Variants in UGDH observed in about 807,000 individuals in gnomAD.
UGDH encodes UDP-Glc dehydrogenase.
Under a neutral mutation model 50.6 loss-of-function variants are expected in UGDH, and 38 were observed. The ratio of observed to expected loss-of-function variants is 0.75; its 90% CI spans 0.58 to 0.98. The LOEUF is 0.98. UGDH is among the 50% of genes least tolerant of loss of function. The pLI, the probability that UGDH is intolerant of heterozygous loss-of-function variation, is 0.00. For missense variants in UGDH, 465 were observed against 606.2 expected (o/e 0.77, Z 2.45); for synonymous variants, 168 against 199.9 (o/e 0.84, Z 1.35).
chr4:39,520,933 TGTG>T (rs1746628514), intron 2 of UGDH, among the ~76,000 whole-genome samples: 1 of 150,336 alleles, frequency 6.7e-6, no homozygotes, highest in Non-Finnish European at 1.5e-5. Flanking sequence ...ATTAGCTGGG[TGTG>T]GTGGTGGGCG....
rs796581466 is a variant in UGDH at position 39,514,255 on chromosome 4, ATT to A, written c.163-73_163-72del. 27 of 1,182,978 alleles carry A rather than the reference ATT, an allele frequency of 2.3e-5. No homozygotes were observed. The South Asian group carries it at 3.6e-4, about 16-fold the overall frequency. The allele number at this position is 1,182,978 out of a possible 1,614,324, so 73.3% of individuals were successfully genotyped here. ...ATATGAGATAACCTAATAGTATAGA[ATT>A]ACATTTGTTAAAGGGCATGGTAATA... On this transcript the variant is annotated intron_variant, in intron 2 of 11. Coordinates refer to ENST00000316423, the MANE Select transcript of UGDH (RefSeq NM_003359.4).
chr4:39,524,871 GC>G (rs1038759234), intron 1 of UGDH, among the ~76,000 whole-genome samples: 1 of 152,184 alleles, frequency 6.6e-6, no homozygotes, highest in African/African-American at 2.4e-5. Context: ...CTTCTTATCT[GC>G]CTTGATTGTG....
chr4:39,507,277 A>C (rs1746065276), intron 7 of UGDH, among the ~76,000 whole-genome samples: 1 of 152,256 alleles, frequency 6.6e-6, no homozygotes, highest in Non-Finnish European at 1.5e-5. Context: ...TACTTCCCAG[A>C]GCTCACTTAA....
intron 2 of UGDH, among the ~76,000 whole-genome samples, chr4:39,520,034 A>G (rs1369730319): frequency 6.6e-6 from 1 of 152,102 alleles, no homozygotes; most frequent in African/African-American, 2.4e-5. Context: ...ATGGTTGATA[A>G]TAGTCATAAA....
intron 3 of UGDH, among the ~76,000 whole-genome samples, chr4:39,513,455 G>GA: frequency 6.6e-6 from 1 of 151,262 alleles, no homozygotes; most frequent in South Asian, 2.1e-4. Context: ...CCAACCACTG[G>GA]AAACAAGAAA....
intron 5 of UGDH, 107 bp downstream of exon 5, chr4:39,510,246 G>A (rs1198355027): frequency 8.7e-7 from 1 of 1,143,614 alleles, no homozygotes; most frequent in East Asian, 2.4e-5. Context: ...ATCTTCAAAA[G>A]CATAACCTCT....
At chr4:39,523,004 A>G (rs10856846) in intron 1 of UGDH, among the ~76,000 whole-genome samples, 32,010 of 151,636 alleles carry the variant, frequency 0.21, 5,178 homozygotes, top group African/African-American at 0.43. Flanking sequence ...CTCGTGATCC[A>G]CCCGCCTCAG....
Position 39,510,377 on chromosome 4 carries a change from A to C in UGDH, c.639T>G (p.Thr213=), listed in dbSNP as rs1260819626. The C allele has an allele frequency of 1.2e-6, 2 of 1,614,228 alleles. No homozygotes were observed. The highest frequency in any genetic ancestry group is 4.5e-5 in the East Asian group (2 of 44,886). The part of the protein sequence containing the change: ...VPREKILTTN[T]WSSELSKLAA... ...CCAGTTTGGAAAGCTCTGAAGACCAAGTATTAGTGGTGAGGATCTTTTCTC... is the reference window on the plus strand; with the variant it reads ...CCAGTTTGGAAAGCTCTGAAGACCACGTATTAGTGGTGAGGATCTTTTCTC... The change falls in exon 5 of 12, where the codon ACT becomes ACG. Residue 213 remains threonine (T), a synonymous_variant. Transcript: ENST00000316423.
At chr4:39,501,234 G>A (rs1352625822) in intron 11 of UGDH, among the ~76,000 whole-genome samples, 1 of 150,996 alleles carries the variant, frequency 6.6e-6, no homozygotes, top group Non-Finnish European at 1.5e-5. Context: ...CCAAAGTGCT[G>A]GTATTACAGG....
At chr4:39,515,190 G>C (rs1323347643) in intron 2 of UGDH, among the ~76,000 whole-genome samples, 3 of 152,158 alleles carry the variant, frequency 2.0e-5, no homozygotes, top group Middle Eastern at 3.2e-3. Context: ...CATTAAACTT[G>C]CTACAATCAG....
chr4:39,525,475 T>G (rs934515751), intron 1 of UGDH, among the ~76,000 whole-genome samples: 2 of 151,412 alleles, frequency 1.3e-5, no homozygotes, highest in African/African-American at 4.9e-5. Flanking sequence ...ATTACAGGCG[T>G]GAGCCACTGC....
Position 39,500,165 on chromosome 4 carries a change from G to T in UGDH, c.1463C>A (p.Pro488His). 6.3e-7 allele frequency: 1 copy of T among 1,594,752 alleles called. No individual in the cohort carries two copies. The highest frequency in any genetic ancestry group is 1.1e-5 in the South Asian group (1 of 87,074). Residue 488 changes from proline to histidine, a missense_variant, in exon 12 of 12, where the codon CCT becomes CAT. By Grantham distance (77) the Pro-to-His change is moderately conservative. Transcript: ENST00000316423. ...EIPKFSLQDP[P>H]NKKPKV ...TCTCTACACTTTAGGTTTCTTGTTA[G>T]GTGGATCTTGAAGACTAAACTTCGG...
chr4:39,513,812 G>A (rs1746340323), intron 3 of UGDH, among the ~76,000 whole-genome samples: 1 of 152,138 alleles, frequency 6.6e-6, no homozygotes, highest in Admixed American at 6.6e-5. Flanking sequence ...TGGGATTACA[G>A]GCGTGAGCCA....
At chr4:39,515,582 T>TA (rs59182947) in intron 2 of UGDH, among the ~76,000 whole-genome samples, 17,415 of 150,008 alleles carry the variant, frequency 0.12, 1,298 homozygotes, top group East Asian at 0.26. Flanking sequence ...AATATTCTTA[T>TA]AAAAAAAAAA....
At chr4:39,523,428 T>C (rs963814964) in intron 1 of UGDH, among the ~76,000 whole-genome samples, 1 of 152,196 alleles carries the variant, frequency 6.6e-6, no homozygotes, top group South Asian at 2.1e-4. Context: ...TTTTGAATTA[T>C]ATGATTCAAT....
At chr4:39,517,201 T>C (rs769355582) in intron 2 of UGDH, among the ~76,000 whole-genome samples, 28 of 147,736 alleles carry the variant, frequency 1.9e-4, no homozygotes, top group Admixed American at 2.7e-4. Context: ...TAGTTACTAC[T>C]AAATTTTTTT....
rs565350545 is a variant in UGDH at position 39,510,341 on chromosome 4, C to A, written c.663+12G>T. ...CTTTAATTTAATGAAGAGTTGAATG[C>A]TATATACTAACCAGTTTGGAAAGCT... On this transcript the variant is annotated intron_variant, in intron 5 of 11. Transcript: ENST00000316423. 8 of 1,613,784 alleles carry A rather than the reference C, an allele frequency of 5.0e-6. No homozygotes were observed. The highest frequency in any genetic ancestry group is 5.9e-6 in the Non-Finnish European group (7 of 1,179,788).
intron 1 of UGDH, among the ~76,000 whole-genome samples, chr4:39,524,550 T>C (rs1746799565): frequency 6.6e-6 from 1 of 151,950 alleles, no homozygotes; most frequent in African/African-American, 2.4e-5. Context: ...TTGCCCAGGC[T>C]GGAGTGCAAC....
intron 3 of UGDH, among the ~76,000 whole-genome samples, chr4:39,511,397 A>G (rs1746240294): frequency 6.6e-6 from 1 of 151,588 alleles, no homozygotes; most frequent in African/African-American, 2.4e-5. Flanking sequence ...AGTAACTGGG[A>G]CTACAGGCAT....
Sources: allele counts gnomAD v4.1 joint callset (sites outside exome capture counted in the v4.1 genomes callset), GRCh38; gene constraint gnomAD v4.1.1; transcripts MANE v1.5; gene names NCBI Gene and HGNC (gene_info 2026-07-23, HGNC 2026-07-21).